SNCAIP: variants seen among roughly 807,000 people sequenced by gnomAD.
SNCAIP encodes synuclein alpha interacting protein, also known as synphilin-1.
In SNCAIP, 43 loss-of-function variants were observed where a neutral mutation model predicts 86.7. The observed-to-expected ratio is 0.50, with a 90% CI of 0.39 to 0.64. SNCAIP has a LOEUF of 0.64. Among genes scored for constraint, SNCAIP ranks in the 30% least tolerant of loss-of-function variants. The probability of loss-of-function intolerance (pLI) is 0.00; values close to 1 mark genes in which losing one functional copy is unlikely to be tolerated. For missense variants in SNCAIP, 981 were observed against 1,103.1 expected (o/e 0.89, Z 1.57); for synonymous variants, 417 against 427.2 (o/e 0.98, Z 0.29).
At chr5:122,360,737 G>C (rs1187956541) in intron 1 of SNCAIP, among the ~76,000 whole-genome samples, 1 of 152,122 alleles carries the variant, frequency 6.6e-6, no homozygotes, top group Non-Finnish European at 1.5e-5. Flanking sequence ...TCAGTAGCTG[G>C]AAATCTACTT....
At chr5:122,346,738 C>T (rs1758689616) in intron 1 of SNCAIP, among the ~76,000 whole-genome samples, 2 of 151,160 alleles carry the variant, frequency 1.3e-5, no homozygotes, top group Non-Finnish European at 2.9e-5. Context: ...CTCTTGAATT[C>T]ATTTCTGATG....
At chr5:122,429,870 G>C (rs1404679485) in intron 5 of SNCAIP, among the ~76,000 whole-genome samples, 2 of 152,126 alleles carry the variant, frequency 1.3e-5, no homozygotes, top group Non-Finnish European at 2.9e-5. Flanking sequence ...AAAGGACTGA[G>C]TACAAAGGAC....
chr5:122,412,871 C>G (rs1032240956), intron 3 of SNCAIP, among the ~76,000 whole-genome samples: 6 of 152,234 alleles, frequency 3.9e-5, no homozygotes, highest in African/African-American at 1.4e-4. Flanking sequence ...TTCTTGCTTT[C>G]CCTGATGTCC....
chr5:122,377,271 G>A (rs1249151307), intron 1 of SNCAIP, among the ~76,000 whole-genome samples: 1 of 152,066 alleles, frequency 6.6e-6, no homozygotes, highest in Non-Finnish European at 1.5e-5. Flanking sequence ...CAGATAACCT[G>A]TGGCTTTTTA....
chr5:122,406,512 T>C (rs1397294324), intron 3 of SNCAIP, among the ~76,000 whole-genome samples: 3 of 152,194 alleles, frequency 2.0e-5, no homozygotes, highest in African/African-American at 7.2e-5. Context: ...ACCCTAATGT[T>C]GGAGGCGGTG....
At chr5:122,407,671 C>G (rs547533351) in intron 3 of SNCAIP, among the ~76,000 whole-genome samples, 1 of 152,236 alleles carries the variant, frequency 6.6e-6, no homozygotes, top group South Asian at 2.1e-4. Context: ...AAAAGGTCTA[C>G]AGCTATTTTT....
chr5:122,349,486 AC>A (rs1759338346), intron 1 of SNCAIP, among the ~76,000 whole-genome samples: 2 of 152,348 alleles, frequency 1.3e-5, no homozygotes, highest in East Asian at 3.9e-4. Context: ...CTGTTTTAAT[AC>A]ATAGAAACTT....
intron 3 of SNCAIP, among the ~76,000 whole-genome samples, chr5:122,422,533 G>A (rs1191592997): frequency 6.6e-6 from 1 of 152,112 alleles, no homozygotes; most frequent in Non-Finnish European, 1.5e-5. Context: ...TTGTTTTTCA[G>A]GGTGGTGACA....
At chr5:122,416,728 G>A (rs988939637) in intron 3 of SNCAIP, among the ~76,000 whole-genome samples, 1 of 152,148 alleles carries the variant, frequency 6.6e-6, no homozygotes, top group Non-Finnish European at 1.5e-5. Context: ...AGTGGGTGCA[G>A]TACAGACTTC....
At chr5:122,325,403 G>A (rs141925878) in intron 1 of SNCAIP, among the ~76,000 whole-genome samples, 5 of 152,254 alleles carry the variant, frequency 3.3e-5, no homozygotes, top group African/African-American at 1.2e-4. Flanking sequence ...TGTGCTTACA[G>A]GCAGCTGTCT....
chr5:122,340,496 C>T (rs1005848817), intron 1 of SNCAIP, among the ~76,000 whole-genome samples: 1 of 152,124 alleles, frequency 6.6e-6, no homozygotes, highest in South Asian at 2.1e-4. Flanking sequence ...TTCTCTGTTC[C>T]TCCACCAGGA....
intron 2 of SNCAIP, among the ~76,000 whole-genome samples, chr5:122,398,104 A>C (rs878967332): frequency 6.6e-6 from 1 of 152,140 alleles, no homozygotes; most frequent in African/African-American, 2.4e-5. Context: ...CACAGAGACA[A>C]TTCTTTCAAA....
At chr5:122,357,774 A>G (rs1728962310) in intron 1 of SNCAIP, among the ~76,000 whole-genome samples, 2 of 152,168 alleles carry the variant, frequency 1.3e-5, no homozygotes, top group Admixed American at 6.5e-5. Context: ...GATGAAATAA[A>G]GACTAAAATT....
At chr5:122,408,300 C>T (rs530663162) in intron 3 of SNCAIP, among the ~76,000 whole-genome samples, 20 of 152,292 alleles carry the variant, frequency 1.3e-4, no homozygotes, top group Middle Eastern at 3.4e-3. Context: ...CTGCCTGCTT[C>T]CTGAGTGTCC....
At chr5:122,418,013 G>T (rs898695906) in intron 3 of SNCAIP, among the ~76,000 whole-genome samples, 4 of 152,206 alleles carry the variant, frequency 2.6e-5, no homozygotes. Context: ...CACAGGAACT[G>T]CACAAAGGAG....
intron 1 of SNCAIP, among the ~76,000 whole-genome samples, chr5:122,377,388 T>C (rs572506880): frequency 7.2e-5 from 11 of 152,272 alleles, no homozygotes; most frequent in African/African-American, 2.6e-4. Flanking sequence ...TATCTTCTCC[T>C]GCACAGCTCC....
intron 1 of SNCAIP, among the ~76,000 whole-genome samples, chr5:122,339,483 G>A (rs1757137045): frequency 6.6e-6 from 1 of 152,018 alleles, no homozygotes. Context: ...TTAAGCCATG[G>A]GTGTGTACTT....
intron 5 of SNCAIP, 28 bp downstream of exon 5, chr5:122,425,559 C>G (rs1304459727): frequency 6.3e-7 from 1 of 1,580,116 alleles, no homozygotes; most frequent in Non-Finnish European, 8.7e-7. Flanking sequence ...GGAACCTCCA[C>G]AGCTAGAAGC....
chr5:122,445,417 T>TCCCAGATG (rs1434894484), intron 8 of SNCAIP, among the ~76,000 whole-genome samples: 1 of 151,982 alleles, frequency 6.6e-6, no homozygotes, highest in Non-Finnish European at 1.5e-5. Context: ...GAGAAAGAGG[T>TCCCAGATG]CCCAGATGAA....
Sources: gnomAD v4.1 joint callset for allele counts (sites outside exome capture counted in the v4.1 genomes callset) on GRCh38, gnomAD v4.1.1 for gene constraint, MANE v1.5 for transcripts, NCBI Gene and HGNC (gene_info 2026-07-23, HGNC 2026-07-21) for gene names.